The following ELK3 variants were observed in gnomAD, a reference collection of about 807,000 sequenced individuals.
ELK3 encodes ETS transcription factor ELK3.
ELK3 carries 10 observed loss-of-function variants against 28.9 expected under a neutral mutation model. That is an observed-to-expected ratio of 0.35 (90% CI 0.21 to 0.59). The LOEUF (loss-of-function observed/expected upper bound fraction) is 0.59, where lower values mean the gene tolerates loss of function less well. Ranked by LOEUF, ELK3 falls within the 20% of genes least tolerant of loss-of-function variation. The probability of loss-of-function intolerance (pLI) is 0.82; values close to 1 mark genes in which losing one functional copy is unlikely to be tolerated. For missense variants in ELK3, 463 were observed against 517.3 expected, an observed-to-expected ratio of 0.90 and a Z score of 1.02; for synonymous variants, 272 against 243.5, an observed-to-expected ratio of 1.12 and a Z score of -1.09.
intron 2 of ELK3, among the ~76,000 whole-genome samples, chr12:96,244,895 G>C (rs886317291): frequency 2.6e-5 from 4 of 152,140 alleles, no homozygotes; most frequent in Non-Finnish European, 4.4e-5. Flanking sequence ...GAAAACATCT[G>C]AGTTTCCCAA....
At chr12:96,237,336 CG>C (rs1306506355) in intron 2 of ELK3, among the ~76,000 whole-genome samples, 2 of 152,002 alleles carry the variant, frequency 1.3e-5, no homozygotes, top group Non-Finnish European at 2.9e-5. Context: ...TTTGGGAGGC[CG>C]AGGTGAGAGG....
chr12:96,205,143 G>A (rs546045831), intron 1 of ELK3, among the ~76,000 whole-genome samples: 7 of 152,340 alleles, frequency 4.6e-5, no homozygotes, highest in South Asian at 2.1e-4. Flanking sequence ...TTTACTAACC[G>A]TCTCCACCCT....
Position 96,223,630 on chromosome 12 carries a change from C to T in ELK3, c.64C>T (p.His22Tyr). The part of the protein sequence containing the change: ...LQLLLDQKHE[H>Y]LICWTSNDGE... ...GTTGCTGCTGGATCAGAAACATGAG[C>T]ATTTGATCTGCTGGACCTCGAACGA... The change falls in exon 2 of 5, where the codon CAT becomes TAT. Residue 22 changes from histidine (H) to tyrosine (Y), a missense_variant. Coordinates refer to ENST00000228741, the MANE Select transcript of ELK3 (RefSeq NM_005230.4). The T allele has an allele frequency of 1.2e-6, 2 of 1,614,136 alleles. No homozygotes were observed. Among genetic ancestry groups the T allele is most frequent in the Non-Finnish European group, 1.7e-6 (2 of 1,180,036 alleles).
At chr12:96,199,482 G>C (rs1323366669) in intron 1 of ELK3, among the ~76,000 whole-genome samples, 1 of 121,730 alleles carries the variant, frequency 8.2e-6, no homozygotes, top group South Asian at 2.4e-4. Context: ...AAAATTAGCT[G>C]TGTGTGTGTG....
At chr12:96,212,866 A>C (rs1350294961) in intron 1 of ELK3, 1 of 152,024 alleles carries the variant, frequency 6.6e-6, no homozygotes, top group Non-Finnish European at 1.5e-5. Context: ...CTCGCGGGGG[A>C]GGGGGAAGCA....
chr12:96,224,863 T>C (rs575379493), intron 2 of ELK3, among the ~76,000 whole-genome samples: 4 of 152,226 alleles, frequency 2.6e-5, no homozygotes, highest in Non-Finnish European at 5.9e-5. Flanking sequence ...GTTCCTGATC[T>C]ATATTTAGGG....
At chr12:96,216,238 C>T (rs1951617324) in intron 1 of ELK3, among the ~76,000 whole-genome samples, 1 of 152,154 alleles carries the variant, frequency 6.6e-6, no homozygotes, top group Non-Finnish European at 1.5e-5. Flanking sequence ...ACTCTCCTTC[C>T]TGCTCCAGAG....
rs112218128 is a variant in ELK3, at chr12:96,247,128, G to C, written c.396G>C (p.Thr132=). 1 of 1,613,822 alleles carries C rather than the reference G, an allele frequency of 6.2e-7. No individual in the cohort carries two copies. Among genetic ancestry groups the C allele is most frequent in the East Asian group, 2.2e-5 (1 of 44,864 alleles). Residue 132 remains threonine, a synonymous_variant, in exon 3 of 5, where the codon ACG becomes ACC. Transcript: ENST00000228741. The surrounding 1 kb of genome is among the most constrained non-coding windows in gnomAD (Gnocchi z 5.5). ...ACGGCCTGGCCGCCCTCAGAAGCACGAGCCGCAACGAATACATCCACTCAG... is the reference window on the plus strand; with the variant it reads ...ACGGCCTGGCCGCCCTCAGAAGCACCAGCCGCAACGAATACATCCACTCAG... ...HKHGLAALRS[T]SRNEYIHSGL...
At chr12:96,224,461 A>G (rs1951686140) in intron 2 of ELK3, among the ~76,000 whole-genome samples, 1 of 152,192 alleles carries the variant, frequency 6.6e-6, no homozygotes, top group African/African-American at 2.4e-5. Context: ...CATTACATAT[A>G]AGTACTTAGA....
At position 96,259,843 on chromosome 12, in the gene ELK3, C is replaced by A; in HGVS notation, c.1115C>A (p.Thr372Lys). 1 of 1,601,226 alleles carries A rather than the reference C, an allele frequency of 6.2e-7. No homozygotes were observed. The highest frequency in any genetic ancestry group is 8.5e-7 in the Non-Finnish European group (1 of 1,175,018). Residue 372 changes from threonine to lysine, a missense_variant, in exon 4 of 5, where the codon ACG becomes AAG. By Grantham distance (78) the Thr-to-Lys change is moderately conservative. Around this residue, in one of 2 missense-constraint regions of ELK3, gnomAD observed 408 missense variants for 414.8 expected, o/e 0.98. Coordinates refer to ENST00000228741, the MANE Select transcript of ELK3 (RefSeq NM_005230.4). ...CCTGCCAGGCTGCAAGGGCCAAGCACGCTGTTCCAGGTGAGCGTTTGGAAA... is the reference window on the plus strand; with the variant it reads ...CCTGCCAGGCTGCAAGGGCCAAGCAAGCTGTTCCAGGTGAGCGTTTGGAAA... ...LSPARLQGPSTLFQFPTLLNG... is the reference protein window; with the variant it reads ...LSPARLQGPSKLFQFPTLLNG...
intron 2 of ELK3, chr12:96,223,993 C>G: frequency 1.8e-6 from 1 of 550,576 alleles, no homozygotes; most frequent in Non-Finnish European, 3.2e-6. Flanking sequence ...GTTTCTTCTG[C>G]ATTTTCGTCT....
At position 96,214,507 on chromosome 12, in the gene ELK3, G is replaced by A. The variant is rs978724083; in HGVS notation, c.-2-9058G>A. Among the ~76,000 whole-genome samples, 156 of 151,784 alleles carry A rather than the reference G, an allele frequency of 1.0e-3. 2 individuals carry two copies. Among genetic ancestry groups the A allele is most frequent in the African/African-American group, 3.6e-3 (150 of 41,400 alleles). On this transcript the variant is annotated intron_variant, in intron 1 of 4. Transcript: ENST00000228741. ...CAGACTGTAAAGAGTAAGTAAATAG[G>A]TGAGCAATACCTACTTTTGTTTACC...
intron 1 of ELK3, among the ~76,000 whole-genome samples, chr12:96,222,161 G>GATT (rs1031384789): frequency 6.6e-6 from 1 of 151,992 alleles, no homozygotes. Flanking sequence ...AACACAAATG[G>GATT]ATTATTATTA....
At chr12:96,217,583 A>G (rs982924014) in intron 1 of ELK3, among the ~76,000 whole-genome samples, 1 of 152,204 alleles carries the variant, frequency 6.6e-6, no homozygotes, top group African/African-American at 2.4e-5. Flanking sequence ...GAACGTGTTC[A>G]TTTTGATATC....
At chr12:96,226,973 G>T (rs995340545) in intron 2 of ELK3, among the ~76,000 whole-genome samples, 1 of 152,180 alleles carries the variant, frequency 6.6e-6, no homozygotes, top group South Asian at 2.1e-4. Flanking sequence ...TCTTCCTTCC[G>T]TTTTGCCAGT....
intron 2 of ELK3, among the ~76,000 whole-genome samples, chr12:96,227,499 A>C (rs1951710590): frequency 7.7e-6 from 1 of 130,158 alleles, no homozygotes; most frequent in Admixed American, 8.2e-5. Flanking sequence ...TAGCAGAGAA[A>C]AAAGTGGAAA....
At position 96,269,477 on chromosome 12, in the gene ELK3, C is replaced by CA. The variant is rs2137050409; in HGVS notation, c.*2299dup. On this transcript the variant is annotated 3_prime_UTR_variant, in exon 5 of 5. Coordinates refer to ENST00000228741, the MANE Select transcript of ELK3 (RefSeq NM_005230.4). ...ATTTATTAGAAATGCAAAAATACTA[C>CA]AATTTTTTGATGGATGAAAATACTC... is the stretch of plus-strand genomic sequence containing the variant. 6.6e-6 allele frequency: 1 copy of CA among 152,138 alleles called. No individual in the cohort carries two copies. The highest frequency in any genetic ancestry group is 1.9e-4 in the East Asian group (1 of 5,194). The allele number at this position is 152,138 out of a possible 1,614,324, so 9.4% of individuals were successfully genotyped here.
chr12:96,241,021 T>C (rs1318717374), intron 2 of ELK3, among the ~76,000 whole-genome samples: 1 of 152,184 alleles, frequency 6.6e-6, no homozygotes, highest in South Asian at 2.1e-4. Context: ...GTATGTAGCA[T>C]GTGGAGTTTG....
rs189496868 is a variant in ELK3, at chr12:96,219,082, T to G, written c.-2-4483T>G. Among the ~76,000 whole-genome samples the G allele has an allele frequency of 1.5e-4, 23 of 152,344 alleles. No homozygotes were observed. In the East Asian group the frequency reaches 4.4e-3, roughly 29 times the overall value. ...GTAAAGTTAGGCAGATGAAACATTT[T>G]AACTTAGAGCAGGCCTCCATGTGCA... is the stretch of plus-strand genomic sequence containing the variant. On this transcript the variant is annotated intron_variant, in intron 1 of 4. Coordinates refer to ENST00000228741, the MANE Select transcript of ELK3 (RefSeq NM_005230.4).
Sources: allele counts gnomAD v4.1 joint callset (sites outside exome capture counted in the v4.1 genomes callset), GRCh38; gene constraint gnomAD v4.1.1; regional missense constraint gnomAD v4.1.1; non-coding constraint Gnocchi (gnomAD v3.1); transcripts MANE v1.5; gene names NCBI Gene and HGNC (gene_info 2026-07-23, HGNC 2026-07-21).